Variants in EYS observed in about 807,000 individuals in gnomAD.
EYS encodes EGF-like photoreceptor maintenance factor, also known as protein eyes shut homolog.
Under a neutral mutation model 282.1 loss-of-function variants are expected in EYS, and 250 were observed. The observed-to-expected ratio is 0.89, with a 90% CI of 0.80 to 0.98. The LOEUF (loss-of-function observed/expected upper bound fraction) is 0.98, where lower values mean the gene tolerates loss of function less well. Ranked by LOEUF, EYS falls within the 50% of genes least tolerant of loss-of-function variation. The pLI is 0.00. For missense variants in EYS, 4,016 were observed against 3,709.0 expected, an observed-to-expected ratio of 1.08 and a Z score of -2.15; for synonymous variants, 1,355 against 1,282.9, an observed-to-expected ratio of 1.06 and a Z score of -1.20.
chr6:65,541,432 G>C (rs903407259), intron 2 of EYS, among the ~76,000 whole-genome samples: 7 of 152,078 alleles, frequency 4.6e-5, no homozygotes, highest in African/African-American at 1.4e-4. Context: ...TAATTGAGCT[G>C]ATTAAGCCAT....
intron 26 of EYS, among the ~76,000 whole-genome samples, chr6:64,577,188 CAAT>C (rs1765909746): frequency 1.3e-5 from 2 of 152,176 alleles, no homozygotes; most frequent in South Asian, 2.1e-4. Context: ...AATTGTGAGA[CAAT>C]AAATCTCTGC....
At chr6:63,978,966 C>T (rs1382844494) in intron 35 of EYS, among the ~76,000 whole-genome samples, 4 of 151,908 alleles carry the variant, frequency 2.6e-5, no homozygotes, top group African/African-American at 9.7e-5. Context: ...ACATGGGGTA[C>T]TGAGAATAAT....
chr6:64,020,557 A>G (rs934289698), intron 33 of EYS, among the ~76,000 whole-genome samples: 2 of 152,190 alleles, frequency 1.3e-5, no homozygotes, highest in African/African-American at 2.4e-5. Context: ...TGGTAGTAAC[A>G]GGAAAAGAAA....
At chr6:64,494,573 ATGAG>A (rs1219495163) in intron 26 of EYS, among the ~76,000 whole-genome samples, 26 of 139,752 alleles carry the variant, frequency 1.9e-4, no homozygotes, top group Non-Finnish European at 3.7e-4. Context: ...CAATGGATTA[ATGAG>A]TGAGTGAGTG....
chr6:64,097,437 C>A (rs1257539042), intron 31 of EYS, among the ~76,000 whole-genome samples: 3 of 152,192 alleles, frequency 2.0e-5, no homozygotes, highest in African/African-American at 7.2e-5. Context: ...TTTACCTACT[C>A]AAGCCTCATC....
chr6:65,096,349 C>A lies in EYS; in HGVS notation c.2024-38622G>T, dbSNP rs114119805. ...ATATGATGAAAGAAATTTTAAAAGA[C>A]ATAAATACATGGAAAGACATGCTGA... On this transcript the variant is annotated intron_variant, in intron 12 of 42. Transcript: ENST00000503581. Among the ~76,000 whole-genome samples, 796 of 150,644 alleles carry A rather than the reference C, an allele frequency of 5.3e-3. 7 individuals are homozygous for A. The highest frequency in any genetic ancestry group is 0.018 in the African/African-American group (745 of 41,356).
intron 41 of EYS, among the ~76,000 whole-genome samples, chr6:63,738,420 A>C (rs2149639887): frequency 6.6e-6 from 1 of 152,122 alleles, no homozygotes; most frequent in Middle Eastern, 3.4e-3. Flanking sequence ...AAAAATGATG[A>C]GTTCATGTCC....
chr6:65,101,457 C>A (rs1025012411), intron 12 of EYS, among the ~76,000 whole-genome samples: 2 of 151,020 alleles, frequency 1.3e-5, no homozygotes, highest in African/African-American at 4.8e-5. Flanking sequence ...GGCCATATGA[C>A]GTATTATTTG....
At chr6:64,927,599 C>G (rs554855545) in intron 15 of EYS, among the ~76,000 whole-genome samples, 1 of 151,912 alleles carries the variant, frequency 6.6e-6, no homozygotes, top group Admixed American at 6.6e-5. Context: ...TTACAGGTGA[C>G]AATAAAAAAT....
intron 34 of EYS, among the ~76,000 whole-genome samples, chr6:63,997,329 T>C (rs1198870308): frequency 6.6e-6 from 1 of 152,180 alleles, no homozygotes; most frequent in Non-Finnish European, 1.5e-5. Context: ...GGCTGTAATA[T>C]ACCGTAACTC....
At chr6:63,752,826 A>G (rs966939669) in intron 41 of EYS, among the ~76,000 whole-genome samples, 1 of 151,890 alleles carries the variant, frequency 6.6e-6, no homozygotes, top group Non-Finnish European at 1.5e-5. Flanking sequence ...AAGTTTGCTC[A>G]ATACATTTTT....
chr6:64,781,779 T>A (rs1046008307), intron 22 of EYS, among the ~76,000 whole-genome samples: 1 of 152,118 alleles, frequency 6.6e-6, no homozygotes, highest in Admixed American at 6.6e-5. Flanking sequence ...CTACCCCCAA[T>A]AATTTCCTCA....
At chr6:63,778,293 G>T in intron 39 of EYS, 113 bp from the exon 40 acceptor site, 1 of 1,112,724 alleles carries the variant, frequency 9.0e-7, no homozygotes, top group Non-Finnish European at 1.3e-6. Context: ...AGTAATACAT[G>T]TAAATTTTAA....
At chr6:64,313,191 A>G (rs901806474) in intron 29 of EYS, among the ~76,000 whole-genome samples, 7 of 152,182 alleles carry the variant, frequency 4.6e-5, no homozygotes, top group Non-Finnish European at 8.8e-5. Flanking sequence ...AACATAAATG[A>G]CCTGATGGAG....
At chr6:65,571,188 G>C (rs1174012944) in intron 2 of EYS, among the ~76,000 whole-genome samples, 9 of 151,884 alleles carry the variant, frequency 5.9e-5, no homozygotes, top group Admixed American at 5.9e-4. Context: ...TACATACATG[G>C]GAGAAAAGAC....
intron 15 of EYS, among the ~76,000 whole-genome samples, chr6:64,937,453 T>C (rs1459440792): frequency 6.6e-6 from 1 of 151,582 alleles, no homozygotes; most frequent in Admixed American, 6.6e-5. Flanking sequence ...AAAAGGTACA[T>C]AACTTCCATT....
At chr6:65,627,860 C>A (rs1411873034) in intron 2 of EYS, among the ~76,000 whole-genome samples, 1 of 152,356 alleles carries the variant, frequency 6.6e-6, no homozygotes, top group East Asian at 1.9e-4. Flanking sequence ...CCGAGCCTCC[C>A]CAGCGAGCAC....
intron 32 of EYS, among the ~76,000 whole-genome samples, chr6:64,070,036 GTTTC>G (rs1297959714): frequency 2.0e-5 from 3 of 152,008 alleles, no homozygotes; most frequent in Non-Finnish European, 2.9e-5. Context: ...GTTGTGAATT[GTTTC>G]TTTGGCCAAA....
At chr6:64,152,072 G>A (rs1214889969) in intron 31 of EYS, among the ~76,000 whole-genome samples, 1 of 151,958 alleles carries the variant, frequency 6.6e-6, no homozygotes, top group Admixed American at 6.6e-5. Context: ...TTTTAAACAT[G>A]TGCTTTATTT....
Sources: allele counts gnomAD v4.1 joint callset (sites outside exome capture counted in the v4.1 genomes callset), GRCh38; gene constraint gnomAD v4.1.1; transcripts MANE v1.5; gene names NCBI Gene and HGNC (gene_info 2026-07-23, HGNC 2026-07-21).